The following TNKS variants were observed in gnomAD, a reference collection of about 807,000 sequenced individuals.
The protein encoded by TNKS is poly [ADP-ribose] polymerase tankyrase-1.
TNKS carries 72 observed loss-of-function variants against 135.8 expected under a neutral mutation model. The observed-to-expected ratio is 0.53, with a 90% CI of 0.44 to 0.64. The LOEUF is 0.64. Ranked by LOEUF, TNKS falls within the 30% of genes least tolerant of loss-of-function variation. The pLI is 0.00. For synonymous variants in TNKS, 849 were observed against 649.3 expected, an observed-to-expected ratio of 1.31 and a Z score of -4.68; for missense variants, 1,769 against 1,674.0, an observed-to-expected ratio of 1.06 and a Z score of -0.99.
chr8:9,766,267 T>A lies in TNKS; in HGVS notation c.3582T>A (p.His1194Gln). 6.2e-7 allele frequency: 1 copy of A among 1,611,938 alleles called. No individual in the cohort carries two copies. ...HGSPFINAII[H>Q]KGFDERHAYI... ...CTCCTTTCATTAATGCCATTATTCA[T>A]AAAGGGTTTGATGAGCGACATGCAT... Residue 1194 changes from histidine to glutamine, a missense_variant, in exon 25 of 27, where the codon CAT becomes CAA. This residue lies in a region of TNKS where 722 missense variants were observed against 688.9 expected (regional missense o/e 1.05). Coordinates refer to ENST00000310430, the MANE Select transcript of TNKS (RefSeq NM_003747.3).
chr8:9,752,697 A>G, intron 20 of TNKS, 71 bp downstream of exon 20: 1 of 1,056,744 alleles, frequency 9.5e-7, no homozygotes. Context: ...AGTGGTTCAC[A>G]CCTTACTCCC....
At chr8:9,567,045 A>G (rs1797572207) in intron 1 of TNKS, among the ~76,000 whole-genome samples, 2 of 152,358 alleles carry the variant, frequency 1.3e-5, no homozygotes, top group Middle Eastern at 3.4e-3. Flanking sequence ...GCAATGAGAA[A>G]TAAAATCTGT....
chr8:9,731,460 C>CAAAAAAAAAAAAAA (rs36213271), intron 14 of TNKS, among the ~76,000 whole-genome samples: 1 of 67,508 alleles, frequency 1.5e-5, no homozygotes, highest in Non-Finnish European at 2.8e-5. Context: ...AATTCCATCT[C>CAAAAAAAAAAAAAA]AAAAAAAAAA....
At chr8:9,681,617 A>G (rs1354266574) in intron 5 of TNKS, among the ~76,000 whole-genome samples, 1 of 152,168 alleles carries the variant, frequency 6.6e-6, no homozygotes, top group Non-Finnish European at 1.5e-5. Context: ...CATTACAAAA[A>G]TTGAGGAAAA....
In TNKS at chr8:9,777,485, T is replaced by G. The variant is rs900837147; in HGVS notation, c.*749T>G. On this transcript the variant is annotated 3_prime_UTR_variant, in exon 27 of 27. Coordinates refer to ENST00000310430, the MANE Select transcript of TNKS (RefSeq NM_003747.3). ...CAACCTGACTTAGGAACGCCTAAAT[T>G]CAGAGAAGTCAAAGCCGGTGAAGGC... The G allele has an allele frequency of 2.6e-5, 4 of 152,200 alleles. No individual in the cohort carries two copies. Among genetic ancestry groups the G allele is most frequent in the Non-Finnish European group, 5.9e-5 (4 of 68,072 alleles). 9.4% of individuals were successfully genotyped at this position (152,200 alleles called of 1,614,324 possible).
intron 1 of TNKS, among the ~76,000 whole-genome samples, chr8:9,571,077 C>T (rs937101051): frequency 8.5e-5 from 13 of 152,168 alleles, no homozygotes; most frequent in African/African-American, 3.1e-4. Flanking sequence ...TGTCCAGTTA[C>T]TGTGATTCAT....
chr8:9,656,332 G>A (rs1207557917), intron 3 of TNKS, among the ~76,000 whole-genome samples: 2 of 152,208 alleles, frequency 1.3e-5, no homozygotes, highest in Non-Finnish European at 2.9e-5. Flanking sequence ...TATTATCCAG[G>A]AGAACTTCCC....
Position 9,733,282 on chromosome 8 carries a change from C to T in TNKS, c.2151C>T (p.Gly717=). The part of the protein sequence containing the change: ...GADVHAKDKG[G]LVPLHNACSY... ...AAAATAACTTTCTTTTGTTTAGTGG[C>T]TTGGTGCCCCTTCATAATGCCTGTT... Residue 717 remains glycine (G), a synonymous_variant, in exon 15 of 27, where the codon GGC becomes GGT. Coordinates refer to ENST00000310430, the MANE Select transcript of TNKS (RefSeq NM_003747.3). The T allele has an allele frequency of 6.4e-7, 1 of 1,557,430 alleles. No individual in the cohort carries two copies. Among genetic ancestry groups the T allele is most frequent in the Non-Finnish European group, 8.6e-7 (1 of 1,159,384 alleles).
chr8:9,555,993 C>T lies in TNKS; in HGVS notation c.54C>T (p.Leu18=). 6.2e-7 allele frequency: 1 copy of T among 1,613,414 alleles called. No individual in the cohort carries two copies. The change falls in exon 1 of 27, where the codon CTC becomes CTT. Residue 18 remains leucine (L), a synonymous_variant. Transcript: ENST00000310430. ...ATCACCACCATCATCAACAACAGCT[C>T]CAGCCCGCCCCAGGGGCTTCAGCGC... The part of the protein sequence containing the change: ...QHHHHHHQQQ[L]QPAPGASAPP...
At chr8:9,702,350 C>T (rs1364465308) in intron 5 of TNKS, among the ~76,000 whole-genome samples, 1 of 151,972 alleles carries the variant, frequency 6.6e-6, no homozygotes, top group Non-Finnish European at 1.5e-5. Flanking sequence ...GAAAACTATA[C>T]CAAGGCACAT....
At chr8:9,608,266 G>T (rs1420623764) in intron 2 of TNKS, among the ~76,000 whole-genome samples, 1 of 152,068 alleles carries the variant, frequency 6.6e-6, no homozygotes, top group East Asian at 1.9e-4. Context: ...TTTTTCCTCT[G>T]TTGCATCATC....
chr8:9,616,890 C>T (rs1443642271), intron 3 of TNKS, among the ~76,000 whole-genome samples: 1 of 152,152 alleles, frequency 6.6e-6, no homozygotes, highest in Non-Finnish European at 1.5e-5. Flanking sequence ...TCAGATTCTA[C>T]AGCCTTTCAG....
At chr8:9,747,977 C>T (rs749994934) in intron 17 of TNKS, 47 bp from the exon 18 acceptor site, 2 of 1,531,116 alleles carry the variant, frequency 1.3e-6, no homozygotes, top group South Asian at 2.5e-5. Context: ...GGTGCTTTAC[C>T]AGATGATCTC....
At chr8:9,742,346 A>C (rs1287999983) in intron 17 of TNKS, among the ~76,000 whole-genome samples, 1 of 145,110 alleles carries the variant, frequency 6.9e-6, no homozygotes, top group Non-Finnish European at 1.5e-5. Flanking sequence ...CAGATACATG[A>C]GTGTGATAAT....
chr8:9,599,668 T>C (rs1201804556), intron 2 of TNKS, among the ~76,000 whole-genome samples: 2 of 152,220 alleles, frequency 1.3e-5, no homozygotes, highest in Non-Finnish European at 2.9e-5. Flanking sequence ...TACAAATGTA[T>C]TGTGTCCTGG....
At chr8:9,558,386 T>A (rs1797178152) in intron 1 of TNKS, 1 of 152,166 alleles carries the variant, frequency 6.6e-6, no homozygotes, top group Admixed American at 6.5e-5. Flanking sequence ...TTGTTTTAGA[T>A]GAAATAGCAT....
intron 20 of TNKS, among the ~76,000 whole-genome samples, chr8:9,758,306 T>A (rs1423970890): frequency 1.3e-5 from 2 of 152,302 alleles, no homozygotes; most frequent in East Asian, 3.9e-4. Context: ...GTATAGAAAG[T>A]TGTCCCATTC....
chr8:9,621,415 C>G (rs1799861473), intron 3 of TNKS, among the ~76,000 whole-genome samples: 1 of 152,030 alleles, frequency 6.6e-6, no homozygotes, highest in Admixed American at 6.6e-5. Flanking sequence ...AGCGATTCTC[C>G]TGCCTCTCAG....
intron 1 of TNKS, among the ~76,000 whole-genome samples, chr8:9,578,805 T>A (rs980056008): frequency 2.0e-5 from 3 of 152,228 alleles, no homozygotes; most frequent in Non-Finnish European, 4.4e-5. Context: ...TAATAAGACC[T>A]AATACAATTT....
Sources: gnomAD v4.1 joint callset for allele counts (sites outside exome capture counted in the v4.1 genomes callset) on GRCh38, gnomAD v4.1.1 for gene constraint, gnomAD v4.1.1 regional missense constraint, MANE v1.5 for transcripts, NCBI Gene and HGNC (gene_info 2026-07-23, HGNC 2026-07-21) for gene names.